Variants in SLAMF9 observed in about 807,000 individuals in gnomAD.
SLAMF9 encodes the protein SLAM family member 9.
Under a neutral mutation model 30.4 loss-of-function variants are expected in SLAMF9, and 25 were observed. The observed-to-expected ratio is 0.82, with a 90% CI of 0.60 to 1.15. The LOEUF is 1.15. SLAMF9 is among the 50% of genes most tolerant of loss of function. The pLI is 0.00. For missense variants in SLAMF9, 344 were observed against 346.1 expected (o/e 0.99, Z 0.05); for synonymous variants, 129 against 127.2 (o/e 1.01, Z -0.09).
chr1:159,973,156 A>T, the SLAMF9 span: 679 of 1,533,508 alleles, frequency 4.4e-4, 5 homozygotes, highest in African/African-American at 7.7e-3. Context: ...TCCTTGTGGA[A>T]GGAGAAAAGG....
At position 159,953,309 on chromosome 1, in the gene SLAMF9, G is replaced by A. The variant is rs771637125; in HGVS notation, c.391C>T (p.Arg131Ter). 1.6e-5 allele frequency: 25 copies of A among 1,594,278 alleles called. No homozygotes were observed. The highest frequency in any genetic ancestry group is 1.2e-4 in the Admixed American group (7 of 59,674). ...TTTATGGTTCCCAGCCTAAACTCAC[G>A]GTAGACACATATATTGTACTGCTGC... ...TMQQYNICVY[R>*]WLSEPQITVN... The change falls in exon 2 of 4, where the codon CGA becomes TGA. Residue 131 changes from arginine to a stop codon, truncating the protein, a stop_gained and splice_region_variant. Coordinates refer to ENST00000368093, the MANE Select transcript of SLAMF9 (RefSeq NM_033438.4). LOFTEE classifies it high-confidence loss of function.
chr1:159,967,707 A>G, the SLAMF9 span, among the ~76,000 whole-genome samples: 2 of 152,194 alleles, frequency 1.3e-5, no homozygotes, highest in Non-Finnish European at 2.9e-5. Flanking sequence ...GGACATTATA[A>G]CAGTATTAAC....
the SLAMF9 span, among the ~76,000 whole-genome samples, chr1:159,967,439 G>T: frequency 6.6e-5 from 10 of 152,054 alleles, no homozygotes; most frequent in African/African-American, 2.4e-4. Context: ...AACTATAAAT[G>T]CATTGGTTTA....
chr1:159,969,400 T>C, the SLAMF9 span, among the ~76,000 whole-genome samples: 3 of 152,244 alleles, frequency 2.0e-5, no homozygotes, highest in East Asian at 5.8e-4. Flanking sequence ...AAAAAATCCA[T>C]GCAACCTTTC....
the SLAMF9 span, among the ~76,000 whole-genome samples, chr1:159,971,228 A>G: frequency 6.6e-6 from 1 of 152,190 alleles, no homozygotes; most frequent in African/African-American, 2.4e-5. Flanking sequence ...AGGCCCTTAG[A>G]CAAACAAAGA....
chr1:159,952,367 T>G lies in SLAMF9; in HGVS notation c.559A>C (p.Thr187Pro). Residue 187 changes from threonine (T) to proline (P), a missense_variant, in exon 3 of 4, where the codon ACA becomes CCA. Coordinates refer to ENST00000368093, the MANE Select transcript of SLAMF9 (RefSeq NM_033438.4). ...GCACTGTCCCCCGGCCTCCAGGATGTGCTGAGGACAGGGCCTTCATGGAAT... is the reference window on the plus strand; with the variant it reads ...GCACTGTCCCCCGGCCTCCAGGATGGGCTGAGGACAGGGCCTTCATGGAAT... ...YTFHEGPVLS[T>P]SWRPGDSALS... 5 of 1,614,074 alleles carry G rather than the reference T, an allele frequency of 3.1e-6. No homozygotes were observed. Among genetic ancestry groups the G allele is most frequent in the Non-Finnish European group, 4.2e-6 (5 of 1,179,992 alleles).
the SLAMF9 span, chr1:159,961,418 T>C: frequency 1.3e-5 from 2 of 152,318 alleles, no homozygotes; most frequent in African/African-American, 4.8e-5. Flanking sequence ...AAGTTCCAAA[T>C]AAATCACCTC....
At chr1:159,956,163 C>T (rs1651918911), upstream of SLAMF9, among the ~76,000 whole-genome samples, 1 of 152,154 alleles carries the variant, frequency 6.6e-6, no homozygotes, top group Non-Finnish European at 1.5e-5. Context: ...GGAATACTAT[C>T]CATCCTTAAA....
upstream of SLAMF9, among the ~76,000 whole-genome samples, chr1:159,955,139 A>G (rs1651896006): frequency 1.3e-5 from 2 of 152,056 alleles, no homozygotes; most frequent in Admixed American, 6.6e-5. Flanking sequence ...GAGTTGATCT[A>G]TGTTGTTCAT....
At chr1:159,963,766 A>C in the SLAMF9 span, among the ~76,000 whole-genome samples, 2 of 152,148 alleles carry the variant, frequency 1.3e-5, no homozygotes, top group Non-Finnish European at 2.9e-5. Flanking sequence ...GAGCTAGTTA[A>C]AATGCTTATT....
Position 159,952,243 on chromosome 1 carries a change from G to A in SLAMF9, c.664+19C>T, listed in dbSNP as rs1427228060. 1 of 1,612,952 alleles carries A rather than the reference G, an allele frequency of 6.2e-7. No homozygotes were observed. The highest frequency in any genetic ancestry group is 1.7e-5 in the Admixed American group (1 of 59,992). On this transcript the variant is annotated intron_variant, in intron 3 of 3. Coordinates refer to ENST00000368093, the MANE Select transcript of SLAMF9 (RefSeq NM_033438.4). ...ACTATCTTTCATGAGCTCAGGGGGT[G>A]TCTCAGGGGTTCTGGTACCTGCATA...
the SLAMF9 span, among the ~76,000 whole-genome samples, chr1:159,977,306 T>A: frequency 6.6e-6 from 1 of 152,180 alleles, no homozygotes; most frequent in African/African-American, 2.4e-5. Flanking sequence ...GGCAGAAGAT[T>A]AGAGAGAGAC....
the SLAMF9 span, among the ~76,000 whole-genome samples, chr1:159,969,415 A>G: frequency 6.6e-6 from 1 of 152,218 alleles, no homozygotes; most frequent in Non-Finnish European, 1.5e-5. Flanking sequence ...CCTTTCCTCA[A>G]TGGAAATATT....
chr1:159,969,580 A>G, the SLAMF9 span, among the ~76,000 whole-genome samples: 5 of 152,194 alleles, frequency 3.3e-5, no homozygotes, highest in Admixed American at 2.6e-4. Context: ...GGGCAAAACA[A>G]TGGGGCAGCA....
chr1:159,952,976 G>A (rs1651811857), intron 2 of SLAMF9, among the ~76,000 whole-genome samples: 1 of 152,138 alleles, frequency 6.6e-6, no homozygotes, highest in Admixed American at 6.5e-5. Flanking sequence ...ATCACACAGG[G>A]AAATAAAAGG....
chr1:159,961,894 C>T, the SLAMF9 span, among the ~76,000 whole-genome samples: 3 of 151,960 alleles, frequency 2.0e-5, no homozygotes, highest in Non-Finnish European at 4.4e-5. Flanking sequence ...CGTGGCGGCT[C>T]ATGCCTATAA....
At chr1:159,965,878 TG>T in the SLAMF9 span, among the ~76,000 whole-genome samples, 1 of 152,266 alleles carries the variant, frequency 6.6e-6, no homozygotes, top group African/African-American at 2.4e-5. Context: ...TACAATGTGA[TG>T]TTTTGATATA....
the SLAMF9 span, among the ~76,000 whole-genome samples, chr1:159,964,001 A>T: frequency 6.6e-6 from 1 of 152,218 alleles, no homozygotes; most frequent in African/African-American, 2.4e-5. Context: ...CAGAGGTTGC[A>T]GTGAGCAGAG....
chr1:159,983,496 GTTTGT>G, the SLAMF9 span: 6 of 152,128 alleles, frequency 3.9e-5, no homozygotes, highest in African/African-American at 1.4e-4. Flanking sequence ...CCACTCCTTG[GTTTGT>G]TTTTTGTTTT....
Sources: allele counts gnomAD v4.1 joint callset (sites outside exome capture counted in the v4.1 genomes callset), GRCh38; gene constraint gnomAD v4.1.1; transcripts MANE v1.5; gene names NCBI Gene and HGNC (gene_info 2026-07-23, HGNC 2026-07-21).